CASK: variants seen among roughly 807,000 people sequenced by gnomAD.
The protein encoded by CASK is peripheral plasma membrane protein CASK.
In CASK, 4 loss-of-function variants were observed where a neutral mutation model predicts 82.9. The ratio of observed to expected loss-of-function variants is 0.05; its 90% confidence interval spans 0.02 to 0.11. The LOEUF (loss-of-function observed/expected upper bound fraction) is 0.11, where lower values mean the gene tolerates loss of function less well. Ranked by LOEUF, CASK falls within the 10% of genes least tolerant of loss-of-function variation. The probability of loss-of-function intolerance (pLI) is 1.00; values close to 1 mark genes in which losing one functional copy is unlikely to be tolerated. For synonymous variants in CASK, 259 were observed against 253.5 expected (o/e 1.02, Z -0.20); for missense variants, 358 against 720.9 (o/e 0.50, Z 5.76).
At chrX:41,805,649 A>G (rs771623483) in intron 2 of CASK, among the ~76,000 whole-genome samples, 2 of 111,587 alleles carry the variant, frequency 1.8e-5, no homozygotes, top group Non-Finnish European at 3.8e-5. Context: ...GGGAAAGAGA[A>G]AGGGAAGGGG....
intron 5 of CASK, among the ~76,000 whole-genome samples, chrX:41,700,579 C>CTT (rs71826128): frequency 1.5e-5 from 1 of 65,213 alleles, no homozygotes; most frequent in Non-Finnish European, 2.8e-5. Flanking sequence ...ACGTATATGA[C>CTT]TTTTTTTTTT....
chrX:41,700,149 T>A (rs781674921), intron 5 of CASK, among the ~76,000 whole-genome samples: 2 of 112,195 alleles, frequency 1.8e-5, no homozygotes, highest in African/African-American at 6.5e-5. Context: ...TAGAAAAGTA[T>A]GCTGTATAGA....
At chrX:41,671,956 C>G (rs930148510) in intron 5 of CASK, among the ~76,000 whole-genome samples, 3 of 111,773 alleles carry the variant, frequency 2.7e-5, no homozygotes, top group Non-Finnish European at 5.6e-5. Context: ...GCCATTGTAT[C>G]CTGGTTGTTA....
intron 16 of CASK, among the ~76,000 whole-genome samples, chrX:41,567,296 C>G (rs1049529387): frequency 1.5e-4 from 17 of 112,032 alleles, no homozygotes; most frequent in African/African-American, 4.9e-4. Context: ...TCAGAGTGAA[C>G]AGGCAACCTA....
At chrX:41,888,689 A>G (rs1463551787) in intron 1 of CASK, among the ~76,000 whole-genome samples, 1 of 95,234 alleles carries the variant, frequency 1.1e-5, no homozygotes, top group Non-Finnish European at 2.2e-5. Flanking sequence ...ATGTGAATAT[A>G]TGTATATATA....
intron 16 of CASK, 189 bp from the exon 17 acceptor site, chrX:41,561,833 T>G: frequency 2.5e-6 from 1 of 406,797 alleles, no homozygotes. Context: ...CAGATATATC[T>G]ACTTGTGGAA....
At chrX:41,770,489 G>T (rs962410066) in intron 3 of CASK, among the ~76,000 whole-genome samples, 1 of 110,607 alleles carries the variant, frequency 9.0e-6, no homozygotes, top group East Asian at 2.9e-4. Flanking sequence ...GGGTTCAAGC[G>T]ATTCTCCTGC....
intron 16 of CASK, among the ~76,000 whole-genome samples, chrX:41,569,046 T>C (rs1288323208): frequency 8.9e-6 from 1 of 111,817 alleles, no homozygotes; most frequent in Non-Finnish European, 1.9e-5. Flanking sequence ...GTGAATTCTC[T>C]CCACAGAATG....
intron 21 of CASK, among the ~76,000 whole-genome samples, chrX:41,544,640 GGAGGCTCACTT>G (rs1339938608): frequency 9.2e-6 from 1 of 108,358 alleles, no homozygotes; most frequent in East Asian, 2.8e-4. Flanking sequence ...GGCCAAGGAG[GGAGGCTCACTT>G]GAGGCCAGGA....
intron 2 of CASK, among the ~76,000 whole-genome samples, chrX:41,838,849 A>T (rs189815076): frequency 6.4e-4 from 71 of 111,741 alleles, no homozygotes; most frequent in African/African-American, 2.2e-3. Flanking sequence ...GTTTAAATTG[A>T]GGTTCATTTT....
At chrX:41,721,280 A>G (rs2068160990) in intron 5 of CASK, among the ~76,000 whole-genome samples, 2 of 111,389 alleles carry the variant, frequency 1.8e-5, no homozygotes, top group African/African-American at 6.5e-5. Context: ...CCTGACATTT[A>G]CTCTTTTTAC....
intron 2 of CASK, among the ~76,000 whole-genome samples, chrX:41,806,838 G>A (rs2070135261): frequency 8.9e-6 from 1 of 111,755 alleles, no homozygotes; most frequent in South Asian, 3.7e-4. Flanking sequence ...CAATTTTAAA[G>A]CAAAGACAAT....
At chrX:41,677,504 T>G (rs1181123176) in intron 5 of CASK, among the ~76,000 whole-genome samples, 1 of 112,120 alleles carries the variant, frequency 8.9e-6, no homozygotes, top group Non-Finnish European at 1.9e-5. Flanking sequence ...AAAGGTCATT[T>G]AAAATGAGAA....
chrX:41,618,446 C>T (rs540385269), intron 11 of CASK, among the ~76,000 whole-genome samples: 6 of 110,904 alleles, frequency 5.4e-5, no homozygotes, highest in Admixed American at 2.9e-4. Flanking sequence ...ACTACAGGCA[C>T]GCTACCATGC....
At chrX:41,639,643 G>C (rs1327243916) in intron 8 of CASK, among the ~76,000 whole-genome samples, 4 of 111,084 alleles carry the variant, frequency 3.6e-5, no homozygotes, top group African/African-American at 1.3e-4. Flanking sequence ...TGTACAATTT[G>C]ATAAGTTTTG....
intron 5 of CASK, among the ~76,000 whole-genome samples, chrX:41,674,046 C>G (rs2067232368): frequency 9.1e-6 from 1 of 109,885 alleles, no homozygotes; most frequent in Non-Finnish European, 1.9e-5. Flanking sequence ...TTGGGTATAA[C>G]TTAGCCCCAT....
At chrX:41,804,165 T>C (rs965323894) in intron 2 of CASK, among the ~76,000 whole-genome samples, 52 of 111,003 alleles carry the variant, frequency 4.7e-4, no homozygotes, top group Non-Finnish European at 2.8e-4. Context: ...CTGGCCAACA[T>C]GGTGAAACCC....
chrX:41,581,361 T>C (rs1231086296), intron 14 of CASK, among the ~76,000 whole-genome samples: 5 of 109,642 alleles, frequency 4.6e-5, no homozygotes, highest in African/African-American at 6.6e-5. Context: ...ATCTAGGCAA[T>C]AGAGCAAGAC....
intron 12 of CASK, among the ~76,000 whole-genome samples, chrX:41,590,245 G>A (rs2065722861): frequency 9.0e-6 from 1 of 111,498 alleles, no homozygotes; most frequent in Non-Finnish European, 1.9e-5. Context: ...GATGGCTCAT[G>A]CCTATAATGC....
Sources: gnomAD v4.1 joint callset for allele counts (sites outside exome capture counted in the v4.1 genomes callset) on GRCh38, gnomAD v4.1.1 for gene constraint, MANE v1.5 for transcripts, NCBI Gene and HGNC (gene_info 2026-07-23, HGNC 2026-07-21) for gene names.